The following ASTN2 variants were observed in gnomAD, a reference collection of about 807,000 sequenced individuals.
ASTN2 encodes the protein astrotactin 2, also known as astrotactin-2.
In ASTN2, 54 loss-of-function variants were observed where a neutral mutation model predicts 139.8. The ratio of observed to expected loss-of-function variants is 0.39; its 90% confidence interval spans 0.31 to 0.48. The LOEUF (loss-of-function observed/expected upper bound fraction) is 0.48. Among genes scored for constraint, ASTN2 ranks in the 20% least tolerant of loss-of-function variants. The pLI, the probability that ASTN2 is intolerant of heterozygous loss-of-function variation, is 0.95. For synonymous variants in ASTN2, 756 were observed against 719.5 expected, an observed-to-expected ratio of 1.05 and a Z score of -0.81; for missense variants, 1,565 against 1,725.1, an observed-to-expected ratio of 0.91 and a Z score of 1.64.
intron 13 of ASTN2, among the ~76,000 whole-genome samples, chr9:116,803,555 C>T (rs1280677148): frequency 7.7e-6 from 1 of 129,958 alleles, no homozygotes; most frequent in African/African-American, 2.8e-5. Context: ...GACGGAGTCT[C>T]ACTCTGTCAT....
intron 10 of ASTN2, among the ~76,000 whole-genome samples, chr9:116,927,636 T>A (rs1409004241): frequency 6.6e-6 from 1 of 152,214 alleles, no homozygotes; most frequent in African/African-American, 2.4e-5. Flanking sequence ...CTTTTGACAC[T>A]TGCGGACTCC....
chr9:117,300,243 G>A (rs1834842743), intron 1 of ASTN2, among the ~76,000 whole-genome samples: 1 of 152,186 alleles, frequency 6.6e-6, no homozygotes, highest in Non-Finnish European at 1.5e-5. Context: ...TTCCAGTTTA[G>A]TCTGGATATT....
chr9:116,981,021 A>G (rs1836499303), intron 7 of ASTN2, among the ~76,000 whole-genome samples: 1 of 152,120 alleles, frequency 6.6e-6, no homozygotes, highest in Non-Finnish European at 1.5e-5. Flanking sequence ...TTCCTTGCTC[A>G]CCACTGCATC....
At chr9:117,301,160 A>G (rs1163732956) in intron 1 of ASTN2, among the ~76,000 whole-genome samples, 1 of 151,938 alleles carries the variant, frequency 6.6e-6, no homozygotes, top group Non-Finnish European at 1.5e-5. Context: ...CTCCCGTACC[A>G]TTTCCCTCTC....
rs1000198511 is a variant in ASTN2, at chr9:117,179,326, T to C, written c.1015+35032A>G. ...ATACATATTTTCACATATATATGCTTATGTGGGGATATATATGTGTGTGTG... is the reference window on the plus strand; with the variant it reads ...ATACATATTTTCACATATATATGCTCATGTGGGGATATATATGTGTGTGTG... On this transcript the variant is annotated intron_variant, in intron 3 of 22. Coordinates refer to ENST00000313400, the MANE Select transcript of ASTN2 (RefSeq NM_001365068.1). Among the ~76,000 whole-genome samples the C allele has an allele frequency of 2.6e-5, 4 of 152,182 alleles. No homozygotes were observed. The South Asian group carries it at 6.2e-4, about 24-fold the overall frequency.
At chr9:117,277,715 C>A (rs1218604636) in intron 2 of ASTN2, among the ~76,000 whole-genome samples, 4 of 152,092 alleles carry the variant, frequency 2.6e-5, no homozygotes, top group African/African-American at 7.2e-5. Flanking sequence ...CACTTGGTTA[C>A]CAATATTATG....
intron 1 of ASTN2, among the ~76,000 whole-genome samples, chr9:117,308,273 T>C (rs1313617532): frequency 1.3e-5 from 2 of 152,022 alleles, no homozygotes; most frequent in Admixed American, 6.6e-5. Flanking sequence ...GGAGAAATAA[T>C]GCATTAATAC....
At chr9:117,325,059 T>C (rs752114179) in intron 1 of ASTN2, among the ~76,000 whole-genome samples, 1 of 152,152 alleles carries the variant, frequency 6.6e-6, no homozygotes, top group Non-Finnish European at 1.5e-5. Context: ...AGCACTGAAC[T>C]TGTTTCAATG....
intron 10 of ASTN2, among the ~76,000 whole-genome samples, chr9:116,949,980 T>C (rs540125617): frequency 3.9e-5 from 6 of 152,326 alleles, no homozygotes; most frequent in African/African-American, 1.4e-4. Flanking sequence ...TTTCTTTTTT[T>C]TTTTTCTTAT....
intron 10 of ASTN2, among the ~76,000 whole-genome samples, chr9:116,873,666 T>C (rs1399367370): frequency 6.6e-6 from 1 of 152,214 alleles, no homozygotes. Context: ...CACCCAAATG[T>C]CATGTTGAAT....
chr9:117,136,781 T>C (rs1413413), intron 4 of ASTN2, among the ~76,000 whole-genome samples: 28,917 of 152,138 alleles, frequency 0.19, 2,772 homozygotes, highest in South Asian at 0.24. Flanking sequence ...TGACAGTGAT[T>C]GTACTAGCTA....
chr9:116,786,346 A>G (rs186390623), intron 13 of ASTN2, among the ~76,000 whole-genome samples: 2 of 152,290 alleles, frequency 1.3e-5, no homozygotes, highest in East Asian at 3.9e-4. Context: ...TGTCCCCTAC[A>G]CTAGAATATA....
intron 14 of ASTN2, among the ~76,000 whole-genome samples, chr9:116,733,063 A>G (rs1828831213): frequency 6.6e-6 from 1 of 152,224 alleles, no homozygotes; most frequent in South Asian, 2.1e-4. Flanking sequence ...CTAACAGTGG[A>G]AAAATACCAG....
intron 12 of ASTN2, among the ~76,000 whole-genome samples, chr9:116,815,657 T>C (rs1831294120): frequency 6.7e-6 from 1 of 149,856 alleles, no homozygotes; most frequent in Non-Finnish European, 1.5e-5. Flanking sequence ...TATAAAAAAT[T>C]AGTCGGGCGC....
At chr9:117,059,206 TA>T (rs1462035665) in intron 5 of ASTN2, among the ~76,000 whole-genome samples, 1 of 152,120 alleles carries the variant, frequency 6.6e-6, no homozygotes, top group African/African-American at 2.4e-5. Flanking sequence ...TCAGATCTTC[TA>T]GGAAGTAGAA....
chr9:117,186,483 C>G (rs1329876854), intron 3 of ASTN2, among the ~76,000 whole-genome samples: 1 of 151,994 alleles, frequency 6.6e-6, no homozygotes, highest in African/African-American at 2.4e-5. Context: ...GGAGGCAGAG[C>G]TTGCTGTGAG....
chr9:116,780,997 G>A (rs951069195), intron 13 of ASTN2, among the ~76,000 whole-genome samples: 5 of 151,976 alleles, frequency 3.3e-5, no homozygotes, highest in African/African-American at 4.8e-5. Context: ...GTGCCACCCC[G>A]CCTGGCTAAT....
At chr9:116,946,887 G>T (rs1484374962) in intron 10 of ASTN2, among the ~76,000 whole-genome samples, 1 of 143,828 alleles carries the variant, frequency 7.0e-6, no homozygotes, top group African/African-American at 2.6e-5. Context: ...ATGGGAATTG[G>T]GACTAGAGGA....
At chr9:117,184,211 C>T (rs1448874868) in intron 3 of ASTN2, among the ~76,000 whole-genome samples, 1 of 152,136 alleles carries the variant, frequency 6.6e-6, no homozygotes, top group Non-Finnish European at 1.5e-5. Context: ...ACCTGACTGC[C>T]CACCCTCTGT....
Sources: gnomAD v4.1 joint callset for allele counts (sites outside exome capture counted in the v4.1 genomes callset) on GRCh38, gnomAD v4.1.1 for gene constraint, MANE v1.5 for transcripts, NCBI Gene and HGNC (gene_info 2026-07-23, HGNC 2026-07-21) for gene names.